Variants in FAM222B observed in about 807,000 individuals in gnomAD.
FAM222B encodes family with sequence similarity 222 member B.
FAM222B carries 12 observed loss-of-function variants against 38.0 expected under a neutral mutation model. The ratio of observed to expected loss-of-function variants is 0.32; its 90% confidence interval spans 0.20 to 0.51. The LOEUF (loss-of-function observed/expected upper bound fraction) is 0.51. Ranked by LOEUF, FAM222B falls within the 20% of genes least tolerant of loss-of-function variation. FAM222B has a pLI of 0.97. For missense variants in FAM222B, 716 were observed against 754.2 expected (o/e 0.95, Z 0.59); for synonymous variants, 329 against 317.2 (o/e 1.04, Z -0.40).
intron 1 of FAM222B, chr17:28,790,479 A>G (rs1029143592): frequency 6.6e-6 from 1 of 152,240 alleles, no homozygotes; most frequent in Non-Finnish European, 1.5e-5. Context: ...GACAAGTCCA[A>G]ATTGAGGGAC....
chr17:28,837,158 C>A (rs753816488), intron 1 of FAM222B, among the ~76,000 whole-genome samples: 1 of 151,556 alleles, frequency 6.6e-6, no homozygotes, highest in African/African-American at 2.4e-5. Context: ...AGGCCAGGTG[C>A]GGTGGCTCAC....
intron 1 of FAM222B, among the ~76,000 whole-genome samples, chr17:28,850,371 G>C (rs976825276): frequency 1.3e-5 from 2 of 151,472 alleles, no homozygotes; most frequent in African/African-American, 4.9e-5. Flanking sequence ...GTGCGATCTC[G>C]GCTCACTGCA....
chr17:28,787,735 AACAC>A (rs1170170618), intron 1 of FAM222B, among the ~76,000 whole-genome samples: 1 of 152,204 alleles, frequency 6.6e-6, no homozygotes, highest in East Asian at 1.9e-4. Flanking sequence ...AGCTAGGGTA[AACAC>A]ACAGATAAAG....
intron 1 of FAM222B, among the ~76,000 whole-genome samples, chr17:28,805,917 G>GT (rs1023374047): frequency 5.3e-5 from 8 of 152,066 alleles, no homozygotes; most frequent in East Asian, 3.9e-4. Flanking sequence ...GGAGGTGGGC[G>GT]TATCACCTGA....
intron 1 of FAM222B, among the ~76,000 whole-genome samples, chr17:28,838,303 G>A (rs1327709112): frequency 2.7e-5 from 4 of 150,566 alleles, no homozygotes; most frequent in Admixed American, 1.3e-4. Context: ...CAAATAGGCC[G>A]GGCGCGGTGG....
chr17:28,835,624 G>A (rs2038818263), intron 1 of FAM222B, among the ~76,000 whole-genome samples: 1 of 152,140 alleles, frequency 6.6e-6, no homozygotes, highest in South Asian at 2.1e-4. Flanking sequence ...TTAGTTCCCA[G>A]AAAATTGGTA....
At chr17:28,807,729 CAG>C (rs1174912377) in intron 1 of FAM222B, among the ~76,000 whole-genome samples, 2 of 152,152 alleles carry the variant, frequency 1.3e-5, no homozygotes, top group Non-Finnish European at 2.9e-5. Context: ...TATGTATTTA[CAG>C]ATCATGAAAT....
At chr17:28,812,670 C>T (rs1032707770) in intron 1 of FAM222B, among the ~76,000 whole-genome samples, 2 of 152,092 alleles carry the variant, frequency 1.3e-5, no homozygotes, top group Non-Finnish European at 2.9e-5. Context: ...CCATCTCTCC[C>T]GGCCCCTACC....
intron 1 of FAM222B, among the ~76,000 whole-genome samples, chr17:28,773,326 C>T (rs1597875501): frequency 6.6e-6 from 1 of 150,466 alleles, no homozygotes; most frequent in African/African-American, 2.4e-5. Context: ...AAAAAAAATA[C>T]AAAAAATTAG....
chr17:28,842,871 G>C (rs1197629312), upstream of FAM222B: 1 of 152,450 alleles, frequency 6.6e-6, no homozygotes, highest in East Asian at 1.9e-4. Context: ...GCCCCTGCCG[G>C]GGGCGTCTTC....
intron 1 of FAM222B, among the ~76,000 whole-genome samples, chr17:28,797,387 T>C (rs2036993092): frequency 6.6e-6 from 1 of 152,172 alleles, no homozygotes; most frequent in Non-Finnish European, 1.5e-5. Flanking sequence ...GATCTGTCTC[T>C]GAGCTCCAGA....
At chr17:28,851,104 G>A (rs1442449340) in intron 1 of FAM222B, among the ~76,000 whole-genome samples, 1 of 150,812 alleles carries the variant, frequency 6.6e-6, no homozygotes, top group African/African-American at 2.4e-5. Flanking sequence ...GGGCGACAGA[G>A]GGAGACTCCA....
At chr17:28,786,894 ATTTTTTTTTTTTT>A (rs34396988) in intron 1 of FAM222B, among the ~76,000 whole-genome samples, 4 of 72,030 alleles carry the variant, frequency 5.6e-5, no homozygotes, top group African/African-American at 1.1e-4. Context: ...CCTTCACTGT[ATTTTTTTTTTTTT>A]TTTTTTTTTT....
At chr17:28,773,260 T>C (rs2035724255) in intron 1 of FAM222B, among the ~76,000 whole-genome samples, 1 of 151,842 alleles carries the variant, frequency 6.6e-6, no homozygotes, top group Non-Finnish European at 1.5e-5. Flanking sequence ...GTGGATTACC[T>C]GAGGTCAGGA....
intron 1 of FAM222B, among the ~76,000 whole-genome samples, chr17:28,819,036 C>T (rs1250771605): frequency 1.3e-5 from 2 of 152,208 alleles, no homozygotes; most frequent in African/African-American, 2.4e-5. Context: ...AAAAAGAAGG[C>T]TGTGCAAGCC....
intron 1 of FAM222B, among the ~76,000 whole-genome samples, chr17:28,778,719 AT>A (rs59098589): frequency 0.016 from 405 of 25,036 alleles, 3 homozygotes; most frequent in South Asian, 0.044. Flanking sequence ...ATATATATAT[AT>A]TTTTTTTTTT....
At chr17:28,825,981 C>A (rs948018921) in intron 1 of FAM222B, among the ~76,000 whole-genome samples, 1 of 152,070 alleles carries the variant, frequency 6.6e-6, no homozygotes, top group Admixed American at 6.6e-5. Context: ...GTCATGTTGG[C>A]CAGGCTGGTC....
intron 1 of FAM222B, among the ~76,000 whole-genome samples, chr17:28,810,633 C>T (rs909142944): frequency 6.6e-6 from 1 of 152,154 alleles, no homozygotes; most frequent in African/African-American, 2.4e-5. Context: ...CCTTTCCCTC[C>T]CAATTTAAAT....
chr17:28,784,403 G>C (rs138606019), intron 1 of FAM222B, among the ~76,000 whole-genome samples: 2 of 144,462 alleles, frequency 1.4e-5, no homozygotes, highest in African/African-American at 5.1e-5. Flanking sequence ...TGGAGCTCAG[G>C]AGCCTGAGCT....
Sources: allele counts gnomAD v4.1 joint callset (sites outside exome capture counted in the v4.1 genomes callset), GRCh38; gene constraint gnomAD v4.1.1; transcripts MANE v1.5; gene names NCBI Gene and HGNC (gene_info 2026-07-23, HGNC 2026-07-21).